The following ATP9B variants were observed in gnomAD, a reference collection of about 807,000 sequenced individuals.
ATP9B encodes the protein probable phospholipid-transporting ATPase IIB.
Under a neutral mutation model 146.1 loss-of-function variants are expected in ATP9B, and 110 were observed. That is an observed-to-expected ratio of 0.75 (90% CI 0.65 to 0.88). The LOEUF is 0.88. Among genes scored for constraint, ATP9B ranks in the 40% least tolerant of loss-of-function variants. The pLI, the probability that ATP9B is intolerant of heterozygous loss-of-function variation, is 0.00. For missense variants in ATP9B, 1,499 were observed against 1,496.4 expected (o/e 1.00, Z -0.03); for synonymous variants, 604 against 569.7 (o/e 1.06, Z -0.86).
chr18:79,263,379 T>C (rs1185745447), intron 12 of ATP9B, among the ~76,000 whole-genome samples: 1 of 152,148 alleles, frequency 6.6e-6, no homozygotes, highest in Admixed American at 6.5e-5. Context: ...AATACTGTGT[T>C]TTGATGCATG....
chr18:79,118,538 C>G (rs1292374787), intron 4 of ATP9B, among the ~76,000 whole-genome samples: 1 of 151,118 alleles, frequency 6.6e-6, no homozygotes, highest in East Asian at 2.0e-4. Context: ...GTAGCTGGGA[C>G]TACAGATACC....
intron 25 of ATP9B, among the ~76,000 whole-genome samples, chr18:79,350,481 A>AT (rs570999216): frequency 1.4e-3 from 210 of 152,324 alleles, no homozygotes; most frequent in African/African-American, 4.9e-3. Flanking sequence ...CAGCCCCAGT[A>AT]TGAGGTAGCA....
At chr18:79,209,685 A>G (rs1363115972) in intron 10 of ATP9B, 1 of 985,156 alleles carries the variant, frequency 1.0e-6, no homozygotes, top group Non-Finnish European at 1.2e-6. Context: ...GGGCATGAAG[A>G]CGGCTTTAAA....
intron 2 of ATP9B, among the ~76,000 whole-genome samples, chr18:79,108,657 A>G (rs2075812485): frequency 6.6e-6 from 1 of 152,160 alleles, no homozygotes; most frequent in Non-Finnish European, 1.5e-5. Flanking sequence ...CCCGTGAGCG[A>G]GCACTGCTTA....
At chr18:79,075,472 A>G (rs2072490013) in intron 1 of ATP9B, among the ~76,000 whole-genome samples, 1 of 152,266 alleles carries the variant, frequency 6.6e-6, no homozygotes, top group East Asian at 1.9e-4. Context: ...GTTGTTTCAC[A>G]TATTTTGCAG....
At chr18:79,138,618 T>C (rs2094474913) in intron 5 of ATP9B, among the ~76,000 whole-genome samples, 1 of 152,260 alleles carries the variant, frequency 6.6e-6, no homozygotes, top group South Asian at 2.1e-4. Context: ...CATATTCATT[T>C]AGTTTACTTG....
intron 15 of ATP9B, among the ~76,000 whole-genome samples, chr18:79,309,494 G>GTT (rs1236494776): frequency 2.0e-5 from 3 of 148,030 alleles, no homozygotes; most frequent in East Asian, 2.1e-4. Context: ...CAGGTAGAAG[G>GTT]TCAGGGGTGG....
intron 23 of ATP9B, 75 bp downstream of exon 23, chr18:79,345,914 C>G: frequency 2.0e-6 from 3 of 1,511,854 alleles, no homozygotes. Flanking sequence ...TGCTGGGCCA[C>G]TGTACACTCA....
At chr18:79,369,532 CAA>C (rs67043260) in intron 26 of ATP9B, among the ~76,000 whole-genome samples, 2,383 of 87,966 alleles carry the variant, frequency 0.027, 16 homozygotes, top group Non-Finnish European at 0.04. Flanking sequence ...GAGTCCGTCT[CAA>C]AAAAAAAAAA....
chr18:79,147,933 G>C (rs568310957), intron 6 of ATP9B, among the ~76,000 whole-genome samples: 14 of 152,268 alleles, frequency 9.2e-5, no homozygotes, highest in African/African-American at 3.4e-4. Context: ...TAGCAAGGAA[G>C]ACTGATCAAA....
intron 15 of ATP9B, among the ~76,000 whole-genome samples, chr18:79,327,080 G>T (rs2147023599): frequency 6.6e-6 from 1 of 152,376 alleles, no homozygotes; most frequent in South Asian, 2.1e-4. Context: ...GTCTCTCTAA[G>T]AGTGTGAACT....
rs148218821 is a variant in ATP9B at position 79,245,856 on chromosome 18, A to G, written c.1108-7525A>G. ...CACCACCCTACTGACTGCGGAGGGC[A>G]CCGCCCTACTGTCTGTGCGGAGGGC... is the stretch of plus-strand genomic sequence containing the variant. On this transcript the variant is annotated intron_variant, in intron 11 of 29. Coordinates refer to ENST00000426216, the MANE Select transcript of ATP9B (RefSeq NM_198531.5). Among the ~76,000 whole-genome samples the G allele has an allele frequency of 7.1e-3, 946 of 133,478 alleles. 39 individuals carry two copies. The highest frequency in any genetic ancestry group is 0.027 in the African/African-American group (897 of 32,838). The allele number at this position is 133,478 out of a possible 152,430, so 87.6% of individuals were successfully genotyped here. A position where few individuals can be genotyped will look rare whatever the true frequency, so the allele number is the denominator to read the frequency against.
At chr18:79,178,540 C>A (rs2095210510) in intron 8 of ATP9B, among the ~76,000 whole-genome samples, 1 of 151,996 alleles carries the variant, frequency 6.6e-6, no homozygotes, top group African/African-American at 2.4e-5. Flanking sequence ...TGAGGAAGTT[C>A]TTTCTAGTCT....
In ATP9B at chr18:79,337,278, G is replaced by C; in HGVS notation, c.2113-1G>C. The C allele has an allele frequency of 6.2e-7, 1 of 1,613,656 alleles. No individual in the cohort carries two copies. The highest frequency in any genetic ancestry group is 8.5e-7 in the Non-Finnish European group (1 of 1,179,902). On this transcript the variant is annotated splice_acceptor_variant, in intron 18 of 29. Transcript: ENST00000426216. LOFTEE classifies it high-confidence loss of function. Reference sequence around the variant, plus strand: ...ACAGGCGCCTCCCCCTCTGTCCCCAGAGCCGATACACTCAAGCCAAGCTGA... The same window carrying C: ...ACAGGCGCCTCCCCCTCTGTCCCCACAGCCGATACACTCAAGCCAAGCTGA...
At chr18:79,220,454 C>G (rs919661106) in intron 11 of ATP9B, among the ~76,000 whole-genome samples, 2 of 151,878 alleles carry the variant, frequency 1.3e-5, no homozygotes, top group African/African-American at 4.8e-5. Context: ...TACAAAGATT[C>G]CCTGGGCGTG....
Position 79,268,863 on chromosome 18 carries a change from T to C in ATP9B, c.1269-8191T>C, listed in dbSNP as rs973038955. Among the ~76,000 whole-genome samples the C allele has an allele frequency of 3.3e-5, 5 of 152,296 alleles. No individual in the cohort carries two copies. In the South Asian group the frequency reaches 8.3e-4, roughly 25 times the overall value. On this transcript the variant is annotated intron_variant, in intron 12 of 29. Transcript: ENST00000426216. ...CTCAATTCTTGCTTGGCCATCCTTC[T>C]TGGAAAATAGTTTCATTGGGTATAG...
chr18:79,292,617 A>G (rs10438899), intron 13 of ATP9B, among the ~76,000 whole-genome samples: 66,149 of 151,060 alleles, frequency 0.44, 14,718 homozygotes, highest in Middle Eastern at 0.56. Context: ...TGGCTACAAC[A>G]ATCTTGAAAA....
intron 26 of ATP9B, chr18:79,363,214 T>C (rs577775138): frequency 2.0e-5 from 3 of 152,382 alleles, no homozygotes; most frequent in South Asian, 4.1e-4. Flanking sequence ...TAATTGGGGT[T>C]TGAAAAAATT....
chr18:79,345,914 CT>C, intron 23 of ATP9B, 75 bp downstream of exon 23: 2 of 1,511,854 alleles, frequency 1.3e-6, no homozygotes, highest in Non-Finnish European at 1.8e-6. Flanking sequence ...TGCTGGGCCA[CT>C]GTACACTCAG....
Sources: gnomAD v4.1 joint callset for allele counts (sites outside exome capture counted in the v4.1 genomes callset) on GRCh38, gnomAD v4.1.1 for gene constraint, MANE v1.5 for transcripts, NCBI Gene and HGNC (gene_info 2026-07-23, HGNC 2026-07-21) for gene names.